Variants in MUCL1 observed in about 807,000 individuals in gnomAD.
MUCL1 encodes the protein mucin like 1, also known as mucin-like protein 1.
MUCL1 carries 11 observed loss-of-function variants against 9.2 expected under a neutral mutation model. The observed-to-expected ratio is 1.19, with a 90% CI of 0.75 to 1.97. The LOEUF is 1.97. Ranked by LOEUF, MUCL1 falls within the 30% of genes most tolerant of loss-of-function variation. The pLI, the probability that MUCL1 is intolerant of heterozygous loss-of-function variation, is 0.00. For missense variants in MUCL1, 144 were observed against 110.9 expected, an observed-to-expected ratio of 1.30 and a Z score of -1.34; for synonymous variants, 48 against 40.5, an observed-to-expected ratio of 1.19 and a Z score of -0.71.
intron 1 of MUCL1, among the ~76,000 whole-genome samples, chr12:54,846,448 A>C (rs540134008): frequency 6.6e-6 from 1 of 152,334 alleles, no homozygotes; most frequent in South Asian, 2.1e-4. Context: ...ATAATAGTTG[A>C]AAATATCATT....
At position 54,856,822 on chromosome 12, in the gene MUCL1, C is replaced by A. The variant is rs752715149; in HGVS notation, c.153C>A (p.Thr51=). 1 of 1,611,818 alleles carries A rather than the reference C, an allele frequency of 6.2e-7. No individual in the cohort carries two copies. Among genetic ancestry groups the A allele is most frequent in the African/African-American group, 1.3e-5 (1 of 74,840 alleles). ...ATGCTGAAACCACTGCTGCTGCAAC[C>A]ACTGCAACCACTGCTGCTCCTACCA... The part of the protein sequence containing the change: ...APDAETTAAA[T]TATTAAPTTA... The change falls in exon 3 of 4, where the codon ACC becomes ACA. Residue 51 remains threonine, a synonymous_variant. Coordinates refer to ENST00000308796, the MANE Select transcript of MUCL1 (RefSeq NM_058173.3).
intron 1 of MUCL1, 45 bp downstream of exon 1, chr12:54,854,685 C>T (rs1165958478): frequency 7.9e-6 from 12 of 1,516,228 alleles, no homozygotes; most frequent in Non-Finnish European, 1.1e-5. Flanking sequence ...TGGGAATATA[C>T]ATAAAATATC....
In MUCL1 at chr12:54,856,810, T is replaced by G; in HGVS notation, c.141T>G (p.Thr47=). The change falls in exon 3 of 4, where the codon ACT becomes ACG. Residue 47 remains threonine (T), a synonymous_variant. Transcript: ENST00000308796. The part of the protein sequence containing the change: ...ADDEAPDAET[T]AAATTATTAA... ...ATGAAGCCCCTGATGCTGAAACCACTGCTGCTGCAACCACTGCAACCACTG... is the reference window on the plus strand; with the variant it reads ...ATGAAGCCCCTGATGCTGAAACCACGGCTGCTGCAACCACTGCAACCACTG... 6.2e-7 allele frequency: 1 copy of G among 1,612,494 alleles called. No homozygotes were observed. Among genetic ancestry groups the G allele is most frequent in the African/African-American group, 1.3e-5 (1 of 74,976 alleles).
At chr12:54,837,771 AAAAAAC>A (rs1244923825), upstream of MUCL1, among the ~76,000 whole-genome samples, 1 of 151,810 alleles carries the variant, frequency 6.6e-6, no homozygotes, top group Non-Finnish European at 1.5e-5. Context: ...TCCGTCTCCA[AAAAAAC>A]AAAAACAAAA....
At chr12:54,855,622 A>C in intron 2 of MUCL1, 1 of 165,738 alleles carries the variant, frequency 6.0e-6, no homozygotes, top group Admixed American at 5.8e-5. Context: ...TCTAAGCTTT[A>C]CTCTTTGTAA....
At chr12:54,839,230 CT>C, upstream of MUCL1, 1 of 613,630 alleles carries the variant, frequency 1.6e-6, no homozygotes, top group South Asian at 1.9e-5. Context: ...TGTATAGTGG[CT>C]TACTCAGCTA....
upstream of MUCL1, among the ~76,000 whole-genome samples, chr12:54,834,950 C>T (rs367904721): frequency 1.3e-5 from 2 of 152,114 alleles, no homozygotes; most frequent in South Asian, 4.2e-4. Context: ...CTCTGTATGC[C>T]TTTGCATACA....
intron 1 of MUCL1, among the ~76,000 whole-genome samples, chr12:54,841,368 T>C (rs2371092): frequency 0.52 from 79,590 of 152,036 alleles, 21,306 homozygotes; most frequent in East Asian, 0.86. Flanking sequence ...CATAGATGTA[T>C]TGCTGGGTCA....
Position 54,856,849 on chromosome 12 carries a change from T to G in MUCL1, c.180T>G (p.Thr60=), listed in dbSNP as rs1250616355. ...ATTATTAAPT[T]ATTAASTTAR... is the part of the protein sequence containing the mutation. ...CTGCAACCACTGCTGCTCCTACCAC[T>G]GCAACCACCGCTGCTTCTACCACTG... Residue 60 remains threonine (T), a synonymous_variant, in exon 3 of 4, where the codon ACT becomes ACG. Coordinates refer to ENST00000308796, the MANE Select transcript of MUCL1 (RefSeq NM_058173.3). 1 of 1,612,614 alleles carries G rather than the reference T, an allele frequency of 6.2e-7. No individual in the cohort carries two copies. The highest frequency in any genetic ancestry group is 8.5e-7 in the Non-Finnish European group (1 of 1,179,104).
intron 1 of MUCL1, among the ~76,000 whole-genome samples, chr12:54,844,959 G>A (rs12230433): frequency 0.19 from 29,052 of 152,096 alleles, 3,093 homozygotes; most frequent in Middle Eastern, 0.27. Context: ...GTAAGGCACT[G>A]AAGGAATGTC....
intron 1 of MUCL1, among the ~76,000 whole-genome samples, chr12:54,848,441 A>G (rs898752831): frequency 5.3e-5 from 8 of 152,188 alleles, no homozygotes; most frequent in Admixed American, 2.6e-4. Flanking sequence ...CAAATTGTTT[A>G]ATGTAGAAAT....
At chr12:54,835,762 G>T, upstream of MUCL1, among the ~76,000 whole-genome samples, 1 of 151,902 alleles carries the variant, frequency 6.6e-6, no homozygotes, top group African/African-American at 2.4e-5. Flanking sequence ...TCTATGTCTA[G>T]TTTGTTGAGG....
At chr12:54,854,289 G>A (rs1868280877), upstream of MUCL1, among the ~76,000 whole-genome samples, 1 of 152,204 alleles carries the variant, frequency 6.6e-6, no homozygotes, top group African/African-American at 2.4e-5. Flanking sequence ...GCCTGGAAGA[G>A]AAGTTGCCTG....
intron 1 of MUCL1, among the ~76,000 whole-genome samples, chr12:54,839,985 C>T (rs1959201858): frequency 6.6e-6 from 1 of 152,168 alleles, no homozygotes; most frequent in African/African-American, 2.4e-5. Context: ...GGCCTGCTGT[C>T]TGGATTCTTT....
In MUCL1 at chr12:54,856,846, C is replaced by T; in HGVS notation, c.177C>T (p.Thr59=). The T allele has an allele frequency of 6.2e-7, 1 of 1,612,472 alleles. No individual in the cohort carries two copies. The highest frequency in any genetic ancestry group is 8.5e-7 in the Non-Finnish European group (1 of 1,179,016). The change falls in exon 3 of 4, where the codon ACC becomes ACT. Residue 59 remains threonine, a synonymous_variant. Coordinates refer to ENST00000308796, the MANE Select transcript of MUCL1 (RefSeq NM_058173.3). ...CCACTGCAACCACTGCTGCTCCTAC[C>T]ACTGCAACCACCGCTGCTTCTACCA... The part of the protein sequence containing the change: ...AATTATTAAP[T]TATTAASTTA...
At chr12:54,847,846 C>T (rs1328506820) in intron 1 of MUCL1, among the ~76,000 whole-genome samples, 5 of 152,058 alleles carry the variant, frequency 3.3e-5, no homozygotes, top group Admixed American at 2.0e-4. Context: ...AAGAAACATG[C>T]TGTGTCTATA....
At chr12:54,847,558 T>C (rs544234439) in intron 1 of MUCL1, among the ~76,000 whole-genome samples, 3 of 152,250 alleles carry the variant, frequency 2.0e-5, no homozygotes, top group Non-Finnish European at 4.4e-5. Context: ...GAGGTTGAAG[T>C]GAGCCAAGAT....
Position 54,856,792 on chromosome 12 carries a change from C to A in MUCL1, c.123C>A (p.Ala41=). 6 of 1,613,126 alleles carry A rather than the reference C, an allele frequency of 3.7e-6. No individual in the cohort carries two copies. The highest frequency in any genetic ancestry group is 5.1e-6 in the Non-Finnish European group (6 of 1,179,604). The change falls in exon 3 of 4, where the codon GCC becomes GCA. Residue 41 remains alanine (A), a synonymous_variant. Transcript: ENST00000308796. The part of the protein sequence containing the change: ...YPATGPADDE[A]PDAETTAAAT... ...CAGCTGGTCCTGCTGATGATGAAGC[C>A]CCTGATGCTGAAACCACTGCTGCTG...
At chr12:54,831,892 C>T (rs937414800) in intron 1 of MUCL1, among the ~76,000 whole-genome samples, 3 of 152,042 alleles carry the variant, frequency 2.0e-5, no homozygotes, top group South Asian at 2.1e-4. Context: ...TATCTACCTC[C>T]TAATTTTCTC....
Sources: gnomAD v4.1 joint callset for allele counts (sites outside exome capture counted in the v4.1 genomes callset) on GRCh38, gnomAD v4.1.1 for gene constraint, MANE v1.5 for transcripts, NCBI Gene and HGNC (gene_info 2026-07-23, HGNC 2026-07-21) for gene names.